PMEL: variants seen among roughly 807,000 people sequenced by gnomAD.
The protein encoded by PMEL is premelanosome protein.
A neutral mutation model predicts 64.9 loss-of-function variants in PMEL; 53 were observed. The ratio of observed to expected loss-of-function variants is 0.82; its 90% confidence interval spans 0.66 to 1.03. The LOEUF is 1.03. PMEL is among the 50% of genes least tolerant of loss of function. PMEL has a pLI of 0.00. For synonymous variants in PMEL, 299 were observed against 316.2 expected, an observed-to-expected ratio of 0.95 and a Z score of 0.58; for missense variants, 716 against 814.9, an observed-to-expected ratio of 0.88 and a Z score of 1.48.
intron 3 of PMEL, 136 bp downstream of exon 3, chr12:55,961,181 G>A (rs976709620): frequency 2.2e-5 from 17 of 763,878 alleles, no homozygotes; most frequent in Non-Finnish European, 3.3e-5. Context: ...CTCCAGCCTG[G>A]GCGACAGAGC....
At chr12:55,957,836 C>A (rs1888951270) in intron 5 of PMEL, 87 bp downstream of exon 5, 2 of 1,557,936 alleles carry the variant, frequency 1.3e-6, no homozygotes, top group Non-Finnish European at 1.7e-6. Context: ...GTTTGCACAG[C>A]ATTTCACCTT....
intron 4 of PMEL, 87 bp downstream of exon 4, chr12:55,958,386 G>A (rs550051261): frequency 2.2e-6 from 3 of 1,342,868 alleles, no homozygotes; most frequent in Admixed American, 4.2e-5. Context: ...CAGAAGTTAA[G>A]GTGGAAGGGG....
At chr12:55,960,221 AAAAAGAAAAG>A (rs757094284) in intron 3 of PMEL, among the ~76,000 whole-genome samples, 57 of 149,250 alleles carry the variant, frequency 3.8e-4, no homozygotes, top group South Asian at 8.3e-4. Context: ...AAAAAAAAAA[AAAAAGAAAAG>A]AAAAGAAAAG....
Position 55,958,587 on chromosome 12 carries a change from G to C in PMEL, c.355C>G (p.Gln119Glu). 6.2e-7 allele frequency: 1 copy of C among 1,613,908 alleles called. No homozygotes were observed. The highest frequency in any genetic ancestry group is 1.7e-5 in the Admixed American group (1 of 59,990). The stretch of plus-strand genomic sequence containing the variant: ...TCAGTTTCCTGGGGATACACTGGCT[G>C]TCCTCCCCACACCTGGCTCCCTGAA... ...IINGSQVWGG[Q>E]PVYPQETDDA... Residue 119 changes from glutamine to glutamate, a missense_variant, in exon 4 of 11, where the codon CAG becomes GAG. Transcript: ENST00000548747.
rs1211682037 is a variant in PMEL, at chr12:55,955,857, A to G, written c.1478T>C (p.Ile493Thr). The G allele has an allele frequency of 1.2e-6, 2 of 1,613,792 alleles. No homozygotes were observed. The highest frequency in any genetic ancestry group is 1.7e-5 in the Admixed American group (1 of 60,016). ...AGCCTGCAGGATCTCGGCACTTTCA[A>G]TACCCTCTGCAGAGTTGCAAGCTTA... Reference protein sequence around the residue: ...FSVTLDIVQGIESAEILQAVP... With the variant: ...FSVTLDIVQGTESAEILQAVP... Residue 493 changes from isoleucine (I) to threonine (T), a missense_variant, in exon 8 of 11, where the codon ATT becomes ACT. By Grantham distance (89) the Ile-to-Thr change is moderately conservative. Coordinates refer to ENST00000548747, the MANE Select transcript of PMEL (RefSeq NM_001384361.1).
At chr12:55,958,634 C>T (rs1283266562) in intron 3 of PMEL, 27 bp from the exon 4 acceptor site, 1 of 1,602,646 alleles carries the variant, frequency 6.2e-7, no homozygotes, top group Non-Finnish European at 8.5e-7. Flanking sequence ...GAGTCACTCT[C>T]AAACCCTGGC....
chr12:55,962,419 C>A (rs1889134846), intron 1 of PMEL, among the ~76,000 whole-genome samples: 1 of 131,624 alleles, frequency 7.6e-6, no homozygotes, highest in South Asian at 2.4e-4. Flanking sequence ...CCAGTGTACT[C>A]CAGCTGGCGA....
chr12:55,966,612 T>C (rs1889310819), upstream of PMEL: 1 of 968,960 alleles, frequency 1.0e-6, no homozygotes, highest in Non-Finnish European at 1.3e-6. Flanking sequence ...AAGCAGGTAC[T>C]TGGGAAGAGT....
chr12:55,963,910 A>G (rs1889192683), intron 1 of PMEL, among the ~76,000 whole-genome samples: 1 of 148,990 alleles, frequency 6.7e-6, no homozygotes, highest in African/African-American at 2.5e-5. Context: ...CTTTCTGTAT[A>G]TAGTTCAGCA....
At chr12:55,956,916 C>A in intron 6 of PMEL, 33 bp downstream of exon 6, 1 of 1,599,798 alleles carries the variant, frequency 6.3e-7, no homozygotes, top group South Asian at 1.1e-5. Context: ...GGTACCCCAC[C>A]TCCGTGAACC....
At position 55,957,976 on chromosome 12, in the gene PMEL, C is replaced by T. The variant is rs758241303; in HGVS notation, c.578G>A (p.Gly193Glu). 16 of 1,614,092 alleles carry T rather than the reference C, an allele frequency of 9.9e-6. No homozygotes were observed. Among genetic ancestry groups the T allele is most frequent in the Admixed American group, 1.7e-5 (1 of 60,002 alleles). Reference sequence around the variant, plus strand: ...AGCAAGAGGCACATAGCTCCGGGATCCCCGGCGATGGTAGACAGTCACTTC... The same window carrying T: ...AGCAAGAGGCACATAGCTCCGGGATTCCCGGCGATGGTAGACAGTCACTTC... ...TMEVTVYHRR[G>E]SRSYVPLAHS... Residue 193 changes from glycine to glutamate, a missense_variant, in exon 5 of 11, where the codon GGA (glycine) becomes GAA (glutamate). Physicochemically the swap from Gly to Glu is moderately conservative, Grantham distance 98. Transcript: ENST00000548747.
rs1007420312 is a variant in PMEL, at chr12:55,955,964, T to A, written c.1472-101A>T. On this transcript the variant is annotated intron_variant, in intron 7 of 10. Transcript: ENST00000548747. ...AGGGCTGCTCCACCAATCCCATCCC[T>A]GTGCTTTCAAATGAGGACTCTGGCA... 10 of 1,178,914 alleles carry A rather than the reference T, an allele frequency of 8.5e-6. No individual in the cohort carries two copies. In the African/African-American group the frequency reaches 1.4e-4, roughly 16 times the overall value. The allele number at this position is 1,178,914 out of a possible 1,614,324, so 73.0% of individuals were successfully genotyped here. A position where few individuals can be genotyped will look rare whatever the true frequency, so the allele number is the denominator to read the frequency against.
At chr12:55,965,564 G>A (rs900772683) in intron 1 of PMEL, among the ~76,000 whole-genome samples, 1 of 152,042 alleles carries the variant, frequency 6.6e-6, no homozygotes, top group Admixed American at 6.6e-5. Flanking sequence ...TCTCCTTAGT[G>A]TTCTTACCCA....
In PMEL at chr12:55,957,571, G is replaced by A. The variant is rs1258882825; in HGVS notation, c.732C>T (p.Leu244=). ...RNQPLTFALQ[L]HDPSGYLAEA... ...CAGCCAGATAGCCACTGGGGTCATG[G>A]AGCTGGAGGGCAAAGGTCAGAGGCT... Residue 244 remains leucine (L), a synonymous_variant, in exon 6 of 11, where the codon CTC becomes CTT. Transcript: ENST00000548747. The A allele has an allele frequency of 6.2e-6, 10 of 1,613,760 alleles. No homozygotes were observed. Among genetic ancestry groups the A allele is most frequent in the African/African-American group, 1.3e-5 (1 of 74,826 alleles).
intron 1 of PMEL, among the ~76,000 whole-genome samples, chr12:55,963,464 T>C (rs542107347): frequency 1.3e-5 from 2 of 152,208 alleles, no homozygotes; most frequent in Non-Finnish European, 2.9e-5. Context: ...CATCGTGTTA[T>C]TTTAACCCTA....
At chr12:55,965,530 C>T (rs886641453) in intron 1 of PMEL, among the ~76,000 whole-genome samples, 4 of 152,014 alleles carry the variant, frequency 2.6e-5, no homozygotes, top group African/African-American at 7.3e-5. Context: ...TCACCCGTAC[C>T]CATCCCAAGA....
chr12:55,962,791 A>G (rs189087799), intron 1 of PMEL, among the ~76,000 whole-genome samples: 1 of 151,786 alleles, frequency 6.6e-6, no homozygotes, highest in Admixed American at 6.6e-5. Context: ...TCGGCCTCCC[A>G]AAGTGCTGGG....
In PMEL at chr12:55,957,137, A is replaced by G. The variant is rs142410496; in HGVS notation, c.1166T>C (p.Leu389Pro). Reference sequence around the variant, plus strand: ...AGCCTCTGGAGTTGACATCTCTGCCAGTGTGGTACCCATGACCTCTGAAAC... The same window carrying G: ...AGCCTCTGGAGTTGACATCTCTGCCGGTGTGGTACCCATGACCTCTGAAAC... ...VPVSEVMGTT[L>P]AEMSTPEATG... The change falls in exon 6 of 11, where the codon CTG becomes CCG. Residue 389 changes from leucine to proline, a missense_variant. By Grantham distance (98) the Leu-to-Pro change is moderately conservative. Coordinates refer to ENST00000548747, the MANE Select transcript of PMEL (RefSeq NM_001384361.1). 8.1e-4 allele frequency: 1,309 copies of G among 1,614,172 alleles called. No individual in the cohort carries two copies. Among genetic ancestry groups the G allele is most frequent in the Non-Finnish European group, 1.0e-3 (1,236 of 1,180,008 alleles).
chr12:55,955,046 A>G (rs906350029), intron 10 of PMEL, among the ~76,000 whole-genome samples: 3 of 152,204 alleles, frequency 2.0e-5, no homozygotes, highest in African/African-American at 7.2e-5. Flanking sequence ...ACAGCCCCAC[A>G]GGGCAAGTAT....
Sources: allele counts gnomAD v4.1 joint callset (sites outside exome capture counted in the v4.1 genomes callset), GRCh38; gene constraint gnomAD v4.1.1; transcripts MANE v1.5; gene names NCBI Gene and HGNC (gene_info 2026-07-23, HGNC 2026-07-21).